Variants in LRP1B observed in about 807,000 individuals in gnomAD.
LRP1B encodes the protein low-density lipoprotein receptor-related protein 1B.
Under a neutral mutation model 556.6 loss-of-function variants are expected in LRP1B, and 217 were observed. That is an observed-to-expected ratio of 0.39 (90% CI 0.35 to 0.44). The LOEUF is 0.44. Among genes scored for constraint, LRP1B ranks in the 20% least tolerant of loss-of-function variants. The pLI, the probability that LRP1B is intolerant of heterozygous loss-of-function variation, is 1.00. For missense variants in LRP1B, 5,053 were observed against 5,620.8 expected, an observed-to-expected ratio of 0.90 and a Z score of 3.23; for synonymous variants, 2,047 against 1,865.8, an observed-to-expected ratio of 1.10 and a Z score of -2.50.
chr2:140,571,803 C>A (rs769609494), intron 43 of LRP1B, among the ~76,000 whole-genome samples: 24 of 151,514 alleles, frequency 1.6e-4, no homozygotes, highest in Non-Finnish European at 2.7e-4. Flanking sequence ...TAACAATGGA[C>A]AATTAGACCA....
At chr2:140,827,622 G>A (rs1282137102) in intron 31 of LRP1B, among the ~76,000 whole-genome samples, 1 of 151,734 alleles carries the variant, frequency 6.6e-6, no homozygotes, top group Non-Finnish European at 1.5e-5. Flanking sequence ...CAAGATATAG[G>A]GAATAACCTC....
chr2:140,712,692 C>G (rs1281386939), intron 37 of LRP1B, among the ~76,000 whole-genome samples: 1 of 152,066 alleles, frequency 6.6e-6, no homozygotes, highest in Non-Finnish European at 1.5e-5. Flanking sequence ...TCTGTATATG[C>G]TAGCTCCACT....
At chr2:140,930,090 G>A (rs543766018) in intron 20 of LRP1B, among the ~76,000 whole-genome samples, 2 of 152,084 alleles carry the variant, frequency 1.3e-5, no homozygotes, top group African/African-American at 4.8e-5. Context: ...GTTCCCCAGA[G>A]TCCCAGTTTC....
chr2:141,954,927 C>T (rs1204830800), intron 1 of LRP1B, among the ~76,000 whole-genome samples: 1 of 152,160 alleles, frequency 6.6e-6, no homozygotes, highest in South Asian at 2.1e-4. Flanking sequence ...ATGTGTCAGA[C>T]ATAGAAACAG....
At chr2:141,437,765 T>G (rs1171062272) in intron 3 of LRP1B, among the ~76,000 whole-genome samples, 1 of 151,804 alleles carries the variant, frequency 6.6e-6, no homozygotes, top group East Asian at 1.9e-4. Flanking sequence ...TCACAAGTAT[T>G]CAAGCAGAAG....
chr2:141,424,270 C>T (rs529317712), intron 3 of LRP1B, among the ~76,000 whole-genome samples: 15 of 152,188 alleles, frequency 9.9e-5, no homozygotes, highest in African/African-American at 1.4e-4. Context: ...TGCGCCACCA[C>T]GCCCAGCTAA....
At chr2:140,759,022 A>T (rs1292638206) in intron 35 of LRP1B, among the ~76,000 whole-genome samples, 2 of 152,110 alleles carry the variant, frequency 1.3e-5, no homozygotes, top group Admixed American at 1.3e-4. Flanking sequence ...GAAAGCAGCA[A>T]AATATAATCC....
At chr2:141,393,990 ATTGT>A (rs2104910967) in intron 3 of LRP1B, among the ~76,000 whole-genome samples, 1 of 152,190 alleles carries the variant, frequency 6.6e-6, no homozygotes, top group South Asian at 2.1e-4. Context: ...TATGATGCTC[ATTGT>A]TTGTCTTAAT....
chr2:141,106,750 C>T (rs544267344), intron 7 of LRP1B, among the ~76,000 whole-genome samples: 1 of 152,286 alleles, frequency 6.6e-6, no homozygotes, highest in South Asian at 2.1e-4. Context: ...TAAGGAGCCC[C>T]GCTGAACTAT....
rs79680825 is a variant in LRP1B at position 140,255,956 on chromosome 2, A to G, written c.13248-8794T>C. 1.4e-3 allele frequency among the ~76,000 whole-genome samples: 216 copies of G among 152,238 alleles called. 4 individuals carry two copies. In the East Asian group the frequency reaches 0.039, roughly 27 times the overall value. On this transcript the variant is annotated intron_variant, in intron 86 of 90. Coordinates refer to ENST00000389484, the MANE Select transcript of LRP1B (RefSeq NM_018557.3). ...ATTAATTCTTCCATTTCTAAATGAG[A>G]TGATTACATTCTAGTACTTGGGCGT...
chr2:141,796,040 A>G (rs1431870222), intron 2 of LRP1B, among the ~76,000 whole-genome samples: 1 of 151,246 alleles, frequency 6.6e-6, no homozygotes, highest in Non-Finnish European at 1.5e-5. Flanking sequence ...TTAATAGTAT[A>G]TTATTGATAG....
intron 29 of LRP1B, among the ~76,000 whole-genome samples, chr2:140,843,091 T>A (rs1420146768): frequency 7.3e-5 from 2 of 27,570 alleles, no homozygotes; most frequent in Non-Finnish European, 1.6e-4. Flanking sequence ...GTTTGTTTTT[T>A]TTTTTTTTGT....
At chr2:140,356,235 C>G (rs1022263746) in intron 75 of LRP1B, 107 bp downstream of exon 75, 1 of 1,138,770 alleles carries the variant, frequency 8.8e-7, no homozygotes, top group Non-Finnish European at 1.3e-6. Flanking sequence ...CGTAGATACA[C>G]ACCATTTTGA....
intron 8 of LRP1B, 41 bp downstream of exon 8, chr2:141,062,010 T>A (rs754616070): frequency 1.9e-6 from 3 of 1,544,036 alleles, no homozygotes; most frequent in Non-Finnish European, 2.7e-6. Context: ...TTCCTTTCTT[T>A]TTATTACCCT....
At chr2:140,436,566 T>G (rs1184963817) in intron 66 of LRP1B, among the ~76,000 whole-genome samples, 1 of 151,608 alleles carries the variant, frequency 6.6e-6, no homozygotes, top group Non-Finnish European at 1.5e-5. Context: ...TAAAGCAATA[T>G]GGTTTTCATT....
At chr2:141,328,701 G>C (rs1002517183) in intron 3 of LRP1B, among the ~76,000 whole-genome samples, 1 of 152,122 alleles carries the variant, frequency 6.6e-6, no homozygotes, top group Non-Finnish European at 1.5e-5. Context: ...ATGAACCTTA[G>C]AGCATACACA....
At chr2:141,929,373 T>C (rs538674088) in intron 1 of LRP1B, among the ~76,000 whole-genome samples, 14 of 152,246 alleles carry the variant, frequency 9.2e-5, no homozygotes, top group African/African-American at 3.4e-4. Flanking sequence ...CCTATCATCA[T>C]ATAGCTACGA....
At chr2:141,638,548 T>C (rs2105359271) in intron 2 of LRP1B, among the ~76,000 whole-genome samples, 1 of 119,284 alleles carries the variant, frequency 8.4e-6, no homozygotes, top group South Asian at 2.5e-4. Context: ...AGTTACCAAC[T>C]AGTTCACCAA....
chr2:141,790,441 G>T (rs1010172908), intron 2 of LRP1B, among the ~76,000 whole-genome samples: 1 of 151,874 alleles, frequency 6.6e-6, no homozygotes, highest in African/African-American at 2.4e-5. Context: ...ATTCTGAAAA[G>T]GTTCCCTGGA....
Sources: gnomAD v4.1 joint callset for allele counts (sites outside exome capture counted in the v4.1 genomes callset) on GRCh38, gnomAD v4.1.1 for gene constraint, MANE v1.5 for transcripts, NCBI Gene and HGNC (gene_info 2026-07-23, HGNC 2026-07-21) for gene names.